Variants in IGFBPL1 observed in about 807,000 individuals in gnomAD.
IGFBPL1 encodes the protein insulin-like growth factor-binding protein-like 1.
Under a neutral mutation model 23.9 loss-of-function variants are expected in IGFBPL1, and 20 were observed. The ratio of observed to expected loss-of-function variants is 0.84; its 90% CI spans 0.59 to 1.22. The LOEUF (loss-of-function observed/expected upper bound fraction) is 1.22. Among genes scored for constraint, IGFBPL1 ranks in the 50% most tolerant of loss-of-function variants. The pLI is 0.00. For missense variants in IGFBPL1, 436 were observed against 379.3 expected, an observed-to-expected ratio of 1.15 and a Z score of -1.24; for synonymous variants, 184 against 171.8, an observed-to-expected ratio of 1.07 and a Z score of -0.56.
intron 1 of IGFBPL1, among the ~76,000 whole-genome samples, chr9:38,417,709 A>T (rs369661064): frequency 3.9e-5 from 6 of 152,206 alleles, no homozygotes; most frequent in African/African-American, 1.4e-4. Context: ...GGGTTGGGGA[A>T]GCAGGCCCAA....
intron 3 of IGFBPL1, among the ~76,000 whole-genome samples, chr9:38,412,084 G>T (rs956813431): frequency 1.3e-4 from 20 of 152,186 alleles, no homozygotes; most frequent in Non-Finnish European, 2.9e-4. Flanking sequence ...GCTGTGGGTG[G>T]AATGAGGAGG....
At chr9:38,419,881 TC>T (rs1378286806) in intron 1 of IGFBPL1, among the ~76,000 whole-genome samples, 54 of 128,934 alleles carry the variant, frequency 4.2e-4, no homozygotes, top group African/African-American at 1.4e-3. Context: ...CTCCTCCTCC[TC>T]CTCCTCCTCC....
intron 4 of IGFBPL1, among the ~76,000 whole-genome samples, chr9:38,409,820 T>C (rs1433633451): frequency 6.6e-6 from 1 of 152,192 alleles, no homozygotes; most frequent in Non-Finnish European, 1.5e-5. Context: ...GGCCTCTAAC[T>C]ACTCACGTAC....
intron 2 of IGFBPL1, among the ~76,000 whole-genome samples, chr9:38,413,659 G>C (rs1448701744): frequency 6.6e-6 from 1 of 152,176 alleles, no homozygotes; most frequent in Admixed American, 6.5e-5. Context: ...TGTGATCCTT[G>C]CCGGTCTCTC....
At position 38,406,803 on chromosome 9, in the gene IGFBPL1, T is replaced by C. The variant is rs534805433; in HGVS notation, c.*2424A>G. Among the ~76,000 whole-genome samples the C allele has an allele frequency of 1.4e-4, 22 of 152,346 alleles. No individual in the cohort carries two copies. The highest frequency in any genetic ancestry group is 3.4e-3 in the Middle Eastern group (1 of 294). ...CAGTGTGACATTAATTATTTGTCTT[T>C]GCACAGAATGATGATGCTAAAGCCA... On this transcript the variant is annotated 3_prime_UTR_variant, in exon 5 of 5. Transcript: ENST00000377694.
rs372612635 is a variant in IGFBPL1 at position 38,423,995 on chromosome 9, G to A, written c.430C>T (p.His144Tyr). Residue 144 changes from histidine to tyrosine, a missense_variant, in exon 1 of 5, where the codon CAC (histidine) becomes TAC (tyrosine). Coordinates refer to ENST00000377694, the MANE Select transcript of IGFBPL1 (RefSeq NM_001007563.3). ...TCGCAAGGGCCGTCGCGCGCCTTGTGCAGGTGACCGGGGTGCGCGCGGGGC... is the reference window on the plus strand; with the variant it reads ...TCGCAAGGGCCGTCGCGCGCCTTGTACAGGTGACCGGGGTGCGCGCGGGGC... The part of the protein sequence containing the change: ...HTPRAHPGHL[H>Y]KARDGPCEFA... 5 of 1,412,040 alleles carry A rather than the reference G, an allele frequency of 3.5e-6. No individual in the cohort carries two copies. The highest frequency in any genetic ancestry group is 1.8e-4 in the Middle Eastern group (1 of 5,500). 87.5% of individuals were successfully genotyped at this position (1,412,040 alleles called of 1,614,324 possible). A position where few individuals can be genotyped will look rare whatever the true frequency, so the allele number is the denominator to read the frequency against.
chr9:38,423,911 C>T (rs1821717956), intron 1 of IGFBPL1, 54 bp downstream of exon 1: 5 of 1,313,504 alleles, frequency 3.8e-6, no homozygotes, highest in Non-Finnish European at 4.8e-6. Context: ...CTCCACACCC[C>T]AGAGGGTTGG....
chr9:38,415,810 C>A (rs566518880), intron 1 of IGFBPL1, among the ~76,000 whole-genome samples: 1 of 152,150 alleles, frequency 6.6e-6, no homozygotes, highest in Non-Finnish European at 1.5e-5. Context: ...AGCCCCATAG[C>A]CCCTGGGTGT....
In IGFBPL1 at chr9:38,410,240, T is replaced by C. The variant is rs1821491928; in HGVS notation, c.*10-1023A>G. Among the ~76,000 whole-genome samples, 2 of 152,098 alleles carry C rather than the reference T, an allele frequency of 1.3e-5. 1 individual carries two copies. The highest frequency in any genetic ancestry group is 4.1e-4 in the South Asian group (2 of 4,824). On this transcript the variant is annotated intron_variant, in intron 4 of 4. Transcript: ENST00000377694. ...GCTCACGCCTGTAATCCCAGTACTT[T>C]GGGATGCCAAGGCGGGCGGATCATG...
At position 38,406,546 on chromosome 9, in the gene IGFBPL1, T is replaced by G; in HGVS notation, c.*2681A>C. 6.6e-6 allele frequency among the ~76,000 whole-genome samples: 1 copy of G among 152,122 alleles called. No homozygotes were observed. The highest frequency in any genetic ancestry group is 1.5e-5 in the Non-Finnish European group (1 of 68,010). ...CAAAGACTGTCCTTAAAAACATTTATTTTTTTCAGGGTGCAGGGGTCGTGA... is the reference window on the plus strand; with the variant it reads ...CAAAGACTGTCCTTAAAAACATTTAGTTTTTTCAGGGTGCAGGGGTCGTGA... On this transcript the variant is annotated 3_prime_UTR_variant, in exon 5 of 5. Coordinates refer to ENST00000377694, the MANE Select transcript of IGFBPL1 (RefSeq NM_001007563.3).
At chr9:38,414,480 T>G (rs1211301481) in intron 1 of IGFBPL1, among the ~76,000 whole-genome samples, 1 of 152,140 alleles carries the variant, frequency 6.6e-6, no homozygotes, top group South Asian at 2.1e-4. Flanking sequence ...GTGGCAGAGC[T>G]TGGGCCTCAG....
At chr9:38,415,095 C>T (rs1051704263) in intron 1 of IGFBPL1, among the ~76,000 whole-genome samples, 1 of 152,178 alleles carries the variant, frequency 6.6e-6, no homozygotes, top group Non-Finnish European at 1.5e-5. Flanking sequence ...AGGGAATGCT[C>T]CCACCCAGCT....
chr9:38,422,945 T>TG (rs1821702233), intron 1 of IGFBPL1, among the ~76,000 whole-genome samples: 1 of 152,094 alleles, frequency 6.6e-6, no homozygotes, highest in South Asian at 2.1e-4. Context: ...AGTCTGGACT[T>TG]GGTCTCTGGG....
At chr9:38,413,148 A>G in intron 3 of IGFBPL1, 89 bp downstream of exon 3, 1 of 921,652 alleles carries the variant, frequency 1.1e-6, no homozygotes, top group Non-Finnish European at 1.7e-6. Flanking sequence ...ATGGGTAAGA[A>G]CAGCTTTGAA....
intron 4 of IGFBPL1, among the ~76,000 whole-genome samples, chr9:38,410,352 G>A (rs1429013276): frequency 3.9e-5 from 6 of 151,942 alleles, no homozygotes; most frequent in African/African-American, 9.7e-5. Context: ...GTGTGGTGGC[G>A]GGTGCCTGTA....
At chr9:38,422,434 A>G (rs1277602301) in intron 1 of IGFBPL1, among the ~76,000 whole-genome samples, 1 of 152,250 alleles carries the variant, frequency 6.6e-6, no homozygotes, top group Non-Finnish European at 1.5e-5. Context: ...GTCTGGAGAC[A>G]AAGAGAATTG....
chr9:38,418,842 G>A (rs1417853560), intron 1 of IGFBPL1, among the ~76,000 whole-genome samples: 1 of 152,150 alleles, frequency 6.6e-6, no homozygotes, highest in African/African-American at 2.4e-5. Context: ...CATGGTCACA[G>A]GAGGCAGTAC....
At chr9:38,417,759 A>G (rs1821621092) in intron 1 of IGFBPL1, among the ~76,000 whole-genome samples, 1 of 152,208 alleles carries the variant, frequency 6.6e-6, no homozygotes, top group Admixed American at 6.5e-5. Flanking sequence ...AAGCATGTGA[A>G]ATGCTGTCTA....
intron 1 of IGFBPL1, 66 bp from the exon 2 acceptor site, chr9:38,414,269 T>G: frequency 7.7e-6 from 7 of 906,396 alleles, no homozygotes; most frequent in Non-Finnish European, 1.0e-5. Flanking sequence ...CACCTCTAAA[T>G]TCCCCTGCCG....
Sources: gnomAD v4.1 joint callset for allele counts (sites outside exome capture counted in the v4.1 genomes callset) on GRCh38, gnomAD v4.1.1 for gene constraint, MANE v1.5 for transcripts, NCBI Gene and HGNC (gene_info 2026-07-23, HGNC 2026-07-21) for gene names.